CREB5: variants seen among roughly 807,000 people sequenced by gnomAD.
CREB5 encodes the protein cyclic AMP-responsive element-binding protein 5.
In CREB5, 19 loss-of-function variants were observed where a neutral mutation model predicts 57.1. That is an observed-to-expected ratio of 0.33 (90% CI 0.23 to 0.49). The LOEUF (loss-of-function observed/expected upper bound fraction) is 0.49. Among genes scored for constraint, CREB5 ranks in the 20% least tolerant of loss-of-function variants. The probability of loss-of-function intolerance (pLI) is 0.99; values close to 1 mark genes in which losing one functional copy is unlikely to be tolerated. For synonymous variants in CREB5, 238 were observed against 238.3 expected (o/e 1.00, Z 0.01); for missense variants, 579 against 671.6 (o/e 0.86, Z 1.52).
At chr7:28,472,356 T>C (rs1045468277) in intron 1 of CREB5, among the ~76,000 whole-genome samples, 25 of 152,194 alleles carry the variant, frequency 1.6e-4, no homozygotes, top group Non-Finnish European at 7.3e-5. Flanking sequence ...TGTGTATTTG[T>C]GTATATGCTC....
chr7:28,588,900 G>A (rs1796394306), intron 5 of CREB5, among the ~76,000 whole-genome samples: 1 of 152,136 alleles, frequency 6.6e-6, no homozygotes, highest in Non-Finnish European at 1.5e-5. Context: ...TTCCCTGGAA[G>A]GGACAACATT....
intron 1 of CREB5, among the ~76,000 whole-genome samples, chr7:28,440,669 G>A (rs915390352): frequency 1.3e-5 from 2 of 152,202 alleles, no homozygotes; most frequent in African/African-American, 2.4e-5. Context: ...GCCTTCATAT[G>A]ATGGGGCACA....
At chr7:28,343,436 A>C (rs1346269870) in intron 1 of CREB5, among the ~76,000 whole-genome samples, 1 of 152,178 alleles carries the variant, frequency 6.6e-6, no homozygotes. Context: ...TATGAGTGAC[A>C]TCATACAGTA....
chr7:28,570,442 C>T lies in CREB5; in HGVS notation c.369C>T (p.Pro123=). ...ACCAGCTTAGCAGCGCTCGGCTGCC[C>T]AACCATGACACCAACGTTGTGATTC... ...GTHQLSSARL[P]NHDTNVVIQQ... is the part of the protein sequence containing the mutation. Residue 123 remains proline, a synonymous_variant, in exon 5 of 11, where the codon CCC becomes CCT. Coordinates refer to ENST00000357727, the MANE Select transcript of CREB5 (RefSeq NM_182898.4). The T allele has an allele frequency of 6.2e-7, 1 of 1,614,182 alleles. No individual in the cohort carries two copies. Among genetic ancestry groups the T allele is most frequent in the Non-Finnish European group, 8.5e-7 (1 of 1,180,014 alleles).
intron 1 of CREB5, among the ~76,000 whole-genome samples, chr7:28,437,961 A>G (rs1789025825): frequency 6.6e-6 from 1 of 152,160 alleles, no homozygotes; most frequent in African/African-American, 2.4e-5. Context: ...TACAAACACC[A>G]GTCATTTATC....
At chr7:28,560,936 G>GTC (rs1795196604) in intron 4 of CREB5, among the ~76,000 whole-genome samples, 1 of 91,210 alleles carries the variant, frequency 1.1e-5, no homozygotes, top group African/African-American at 5.1e-5. Context: ...GTGCGTGTGT[G>GTC]CGTGCGTGTG....
chr7:28,320,129 C>T (rs900889909), intron 1 of CREB5, among the ~76,000 whole-genome samples: 3 of 151,774 alleles, frequency 2.0e-5, no homozygotes, highest in Non-Finnish European at 4.4e-5. Context: ...CGGGGTTTCG[C>T]CATGTTGTCC....
In CREB5 at chr7:28,373,714, C is replaced by T. The variant is rs1232916392; in HGVS notation, c.-25+74273C>T. On this transcript the variant is annotated intron_variant, in intron 1 of 9. Coordinates refer to the CREB5 transcript ENST00000396299. ...GTACTGGGATTACAGGTGTGAACCA[C>T]CGTGTCCAGCCTAAATTTTCCTCTT... Among the ~76,000 whole-genome samples the T allele has an allele frequency of 2.6e-5, 4 of 151,976 alleles. No homozygotes were observed. In the South Asian group the frequency reaches 8.3e-4, roughly 32 times the overall value.
chr7:28,505,333 A>C (rs1383146567), intron 3 of CREB5, among the ~76,000 whole-genome samples: 1 of 152,132 alleles, frequency 6.6e-6, no homozygotes, highest in African/African-American at 2.4e-5. Context: ...CTTGCCTCTG[A>C]CCTGTTAGTA....
chr7:28,666,168 C>A (rs549805887), intron 5 of CREB5, among the ~76,000 whole-genome samples: 2 of 152,050 alleles, frequency 1.3e-5, no homozygotes, highest in Non-Finnish European at 2.9e-5. Flanking sequence ...GCATGTCATA[C>A]CCAAAATCAG....
intron 7 of CREB5, among the ~76,000 whole-genome samples, chr7:28,725,681 A>AAG (rs1187679093): frequency 2.0e-5 from 3 of 151,498 alleles, no homozygotes; most frequent in Non-Finnish European, 4.4e-5. Context: ...GAAAGAAAGA[A>AAG]AAGAAAGAAA....
chr7:28,521,389 G>A (rs1466509860), intron 4 of CREB5, among the ~76,000 whole-genome samples: 1 of 152,128 alleles, frequency 6.6e-6, no homozygotes, highest in Non-Finnish European at 1.5e-5. Flanking sequence ...CTTCTCCCCA[G>A]GCTCGCGGAG....
Position 28,819,427 on chromosome 7 carries a change from T to C in CREB5, c.*148T>C, listed in dbSNP as rs1165682667. On this transcript the variant is annotated 3_prime_UTR_variant, in exon 11 of 11. Transcript: ENST00000357727. ...CATTTTTATAGTTATTATGGAAATGTTGTCTTTTATACTTAGTTATATAAG... is the reference window on the plus strand; with the variant it reads ...CATTTTTATAGTTATTATGGAAATGCTGTCTTTTATACTTAGTTATATAAG... The C allele has an allele frequency of 6.6e-6, 5 of 754,480 alleles. No individual in the cohort carries two copies. In the East Asian group the frequency reaches 1.4e-4, roughly 21 times the overall value. The allele number at this position is 754,480 out of a possible 1,614,324, so 46.7% of individuals were successfully genotyped here.
In CREB5 at chr7:28,820,318, C is replaced by T. The variant is rs1426220723; in HGVS notation, c.*1039C>T. The T allele has an allele frequency of 2.0e-5, 3 of 152,458 alleles. No homozygotes were observed. The highest frequency in any genetic ancestry group is 4.4e-5 in the Non-Finnish European group (3 of 68,020). 9.4% of individuals were successfully genotyped at this position (152,458 alleles called of 1,614,324 possible). ...CTGGTTTTATACGGCCTGCCTATAA[C>T]GTTGAAAATCCATGTACTACATAAT... On this transcript the variant is annotated 3_prime_UTR_variant, in exon 11 of 11. Coordinates refer to ENST00000357727, the MANE Select transcript of CREB5 (RefSeq NM_182898.4).
At chr7:28,741,476 T>G (rs1258021280) in intron 7 of CREB5, among the ~76,000 whole-genome samples, 1 of 151,838 alleles carries the variant, frequency 6.6e-6, no homozygotes, top group African/African-American at 2.4e-5. Flanking sequence ...TCTCTCTGAG[T>G]GGATTCTATC....
chr7:28,491,158 A>G (rs575174744), intron 2 of CREB5: 2 of 958,776 alleles, frequency 2.1e-6, no homozygotes, highest in Non-Finnish European at 2.5e-6. Flanking sequence ...AGTGACGGGA[A>G]GCGGAGTGAT....
intron 7 of CREB5, among the ~76,000 whole-genome samples, chr7:28,764,053 T>C (rs527706044): frequency 4.6e-4 from 70 of 152,194 alleles, no homozygotes; most frequent in African/African-American, 1.6e-3. Flanking sequence ...TCCTCATGTT[T>C]TGGTCTCCTA....
intron 7 of CREB5, among the ~76,000 whole-genome samples, chr7:28,799,865 G>T (rs1808263919): frequency 6.6e-6 from 1 of 152,234 alleles, no homozygotes; most frequent in East Asian, 1.9e-4. Context: ...GCTAACCTTG[G>T]TTGACTAATA....
At chr7:28,686,008 G>A (rs970263777) in intron 5 of CREB5, 14 of 813,496 alleles carry the variant, frequency 1.7e-5, no homozygotes, top group East Asian at 5.3e-5. Context: ...GAGCCCAGCC[G>A]GAGGGAGAGC....
Sources: gnomAD v4.1 joint callset for allele counts (sites outside exome capture counted in the v4.1 genomes callset) on GRCh38, gnomAD v4.1.1 for gene constraint, MANE v1.5 for transcripts, NCBI Gene and HGNC (gene_info 2026-07-23, HGNC 2026-07-21) for gene names.